BCAR3: variants seen among roughly 807,000 people sequenced by gnomAD.
The protein encoded by BCAR3 is BCAR3 adaptor protein, NSP family member.
In BCAR3, 37 loss-of-function variants were observed where a neutral mutation model predicts 80.1. The ratio of observed to expected loss-of-function variants is 0.46; its 90% CI spans 0.36 to 0.61. The LOEUF (loss-of-function observed/expected upper bound fraction) is 0.61. BCAR3 is among the 20% of genes least tolerant of loss of function. The pLI is 0.00. For synonymous variants in BCAR3, 389 were observed against 418.9 expected (o/e 0.93, Z 0.87); for missense variants, 978 against 1,068.2 (o/e 0.92, Z 1.18).
chr1:93,636,703 G>A (rs879877758), intron 3 of BCAR3, among the ~76,000 whole-genome samples: 1 of 152,120 alleles, frequency 6.6e-6, no homozygotes, highest in Admixed American at 6.5e-5. Context: ...CCCTGCCCTA[G>A]CCAATCACTT....
At chr1:93,562,688 G>A (rs1164237898) in intron 11 of BCAR3, among the ~76,000 whole-genome samples, 3 of 150,160 alleles carry the variant, frequency 2.0e-5, no homozygotes, top group African/African-American at 4.9e-5. Context: ...GGAGAATGGC[G>A]TGAACCCGGG....
At position 93,564,290 on chromosome 1, in the gene BCAR3, CTTTTTTTTTT is replaced by C. The variant is rs35780346; in HGVS notation, c.2300-1881_2300-1872del. ...TTGTGTCCTAAGAATTTCTTTCTTT[CTTTTTTTTTT>C]TTTTTTTTTTTGAGATGGAGTTTTG... On this transcript the variant is annotated intron_variant, in intron 11 of 11. Transcript: ENST00000260502. Among the ~76,000 whole-genome samples, 13 of 103,704 alleles carry C rather than the reference CTTTTTTTTTT, an allele frequency of 1.3e-4. No homozygotes were observed. The South Asian group carries it at 2.5e-3, about 20-fold the overall frequency. The allele number at this position is 103,704 out of a possible 152,430, so 68.0% of individuals were successfully genotyped here.
chr1:93,750,316 G>A lies in BCAR3; in HGVS notation c.-62-44174C>T, dbSNP rs538325443. Among the ~76,000 whole-genome samples, 3 of 152,322 alleles carry A rather than the reference G, an allele frequency of 2.0e-5. No homozygotes were observed. In the East Asian group the frequency reaches 5.8e-4, roughly 29 times the overall value. On this transcript the variant is annotated intron_variant, in intron 2 of 13. Transcript: ENST00000370244. ...TCTTGTAGCTCAGGGGAATGAAGTG[G>A]CAGCCTTTCCGAGGCTGTTTCCACA... is the stretch of plus-strand genomic sequence containing the variant.
intron 3 of BCAR3, among the ~76,000 whole-genome samples, chr1:93,595,938 C>A (rs773936638): frequency 6.6e-6 from 1 of 152,204 alleles, no homozygotes; most frequent in African/African-American, 2.4e-5. Context: ...TCTGCTGCCA[C>A]GTGGGAAGAA....
At chr1:93,766,750 G>A (rs1652165622) in intron 2 of BCAR3, among the ~76,000 whole-genome samples, 1 of 152,230 alleles carries the variant, frequency 6.6e-6, no homozygotes, top group Admixed American at 6.5e-5. Context: ...ATCTTTTAAA[G>A]TCTATCTGTT....
rs149838567 is a variant in BCAR3, at chr1:93,650,078, C to T, written c.318-7735G>A. On this transcript the variant is annotated intron_variant, in intron 2 of 11. Coordinates refer to ENST00000260502, the MANE Select transcript of BCAR3 (RefSeq NM_003567.4). ...AAAAAAAAAGAAGCCTAGGAGGGTG[C>T]GATGGCTCACACCTGTAATGTGTGC... Among the ~76,000 whole-genome samples the T allele has an allele frequency of 9.2e-5, 14 of 151,382 alleles. No individual in the cohort carries two copies. In the East Asian group the frequency reaches 1.4e-3, roughly 15 times the overall value.
intron 2 of BCAR3, among the ~76,000 whole-genome samples, chr1:93,643,563 A>AG (rs1271801318): frequency 6.7e-6 from 1 of 150,276 alleles, no homozygotes; most frequent in Non-Finnish European, 1.5e-5. Context: ...AAAAAAAAAA[A>AG]AAAAAAAAAA....
rs375268237 is a variant in BCAR3 at position 93,798,940 on chromosome 1, G to A, written c.-63+46627C>T. Among the ~76,000 whole-genome samples, 21 of 152,262 alleles carry A rather than the reference G, an allele frequency of 1.4e-4. No individual in the cohort carries two copies. The East Asian group carries it at 1.5e-3, about 11-fold the overall frequency. On this transcript the variant is annotated intron_variant, in intron 2 of 13. Coordinates refer to the BCAR3 transcript ENST00000370244. ...CAAGAAGTAACTTGTGAGATTAAGA[G>A]TATTACAGCAAGAGAGGGTAATGTG...
At chr1:93,689,234 C>T (rs1649082909) in intron 3 of BCAR3, among the ~76,000 whole-genome samples, 1 of 151,802 alleles carries the variant, frequency 6.6e-6, no homozygotes, top group Non-Finnish European at 1.5e-5. Context: ...TGCCTGTAAT[C>T]CCAGCACTTT....
intron 2 of BCAR3, among the ~76,000 whole-genome samples, chr1:93,651,575 G>C (rs559791347): frequency 2.0e-5 from 3 of 152,334 alleles, no homozygotes; most frequent in Admixed American, 1.3e-4. Flanking sequence ...CCACAAAACA[G>C]AGGAGACTCA....
intron 3 of BCAR3, among the ~76,000 whole-genome samples, chr1:93,702,032 T>C (rs2101973151): frequency 6.6e-6 from 1 of 152,052 alleles, no homozygotes; most frequent in East Asian, 1.9e-4. Context: ...ACAGTGTTCC[T>C]GGTGCTTTCT....
At chr1:93,802,502 A>G (rs1407157082) in intron 2 of BCAR3, among the ~76,000 whole-genome samples, 1 of 152,140 alleles carries the variant, frequency 6.6e-6, no homozygotes, top group Non-Finnish European at 1.5e-5. Context: ...AGGATCTGGA[A>G]ATTCCTTAGT....
intron 2 of BCAR3, chr1:93,753,247 A>T (rs1439213011): frequency 6.6e-6 from 1 of 152,208 alleles, no homozygotes; most frequent in Non-Finnish European, 1.5e-5. Flanking sequence ...ATGTGTTTCC[A>T]AGCGGTGTTT....
intron 7 of BCAR3, among the ~76,000 whole-genome samples, chr1:93,577,174 C>T (rs1428959553): frequency 1.3e-5 from 2 of 152,000 alleles, no homozygotes; most frequent in African/African-American, 2.4e-5. Context: ...AAAAATTAAA[C>T]GGCGGCTAAT....
chr1:93,638,190 A>G (rs1290954140), intron 3 of BCAR3, among the ~76,000 whole-genome samples: 3 of 152,232 alleles, frequency 2.0e-5, no homozygotes, highest in Non-Finnish European at 4.4e-5. Context: ...CGGAGGTTGC[A>G]GTGAGCCAAG....
Position 93,705,061 on chromosome 1 carries a change from T to C in BCAR3, c.-12+1031A>G, listed in dbSNP as rs574495730. The stretch of plus-strand genomic sequence containing the variant: ...ATACATTGTTATCAAGTTAGACCAA[T>C]GATCTTCCTAGACTGGGAGGTCTGA... On this transcript the variant is annotated intron_variant, in intron 3 of 13. Transcript: ENST00000370244. 3.3e-5 allele frequency among the ~76,000 whole-genome samples: 5 copies of C among 152,316 alleles called. No individual in the cohort carries two copies. In the East Asian group the frequency reaches 9.7e-4, roughly 29 times the overall value.
intron 2 of BCAR3, among the ~76,000 whole-genome samples, chr1:93,714,932 G>T (rs756458037): frequency 3.4e-4 from 51 of 151,574 alleles, no homozygotes; most frequent in East Asian, 7.7e-4. Context: ...CATTTTTTTT[G>T]AAAATAAAAT....
chr1:93,710,600 G>A lies in BCAR3; in HGVS notation c.-62-4458C>T, dbSNP rs377463610. Among the ~76,000 whole-genome samples, 3 of 152,076 alleles carry A rather than the reference G, an allele frequency of 2.0e-5. No homozygotes were observed. The East Asian group carries it at 5.8e-4, about 29-fold the overall frequency. On this transcript the variant is annotated intron_variant, in intron 2 of 13. Transcript: ENST00000370244. ...CAGGTCTCGACCCCACCAACCTTTC[G>A]GCCTCATTTGCTCTCTGAACTCCTG... is the stretch of plus-strand genomic sequence containing the variant.
intron 3 of BCAR3, among the ~76,000 whole-genome samples, chr1:93,621,172 C>G (rs1675296434): frequency 6.6e-6 from 1 of 152,242 alleles, no homozygotes; most frequent in Non-Finnish European, 1.5e-5. Flanking sequence ...CAAGCAAATT[C>G]TAGCCATGCA....
Sources: allele counts gnomAD v4.1 joint callset (sites outside exome capture counted in the v4.1 genomes callset), GRCh38; gene constraint gnomAD v4.1.1; transcripts MANE v1.5; gene names NCBI Gene and HGNC (gene_info 2026-07-23, HGNC 2026-07-21).